RELN: variants seen among roughly 807,000 people sequenced by gnomAD.
The protein encoded by RELN is reelin.
Under a neutral mutation model 427.6 loss-of-function variants are expected in RELN, and 108 were observed. The observed-to-expected ratio is 0.25, with a 90% CI of 0.22 to 0.30. RELN has a LOEUF of 0.30. Ranked by LOEUF, RELN falls within the 10% of genes least tolerant of loss-of-function variation. The pLI is 1.00. For synonymous variants in RELN, 1,524 were observed against 1,513.4 expected (o/e 1.01, Z -0.16); for missense variants, 3,715 against 4,302.8 (o/e 0.86, Z 3.82).
At position 103,557,958 on chromosome 7, in the gene RELN, T is replaced by G. The variant is rs781311910; in HGVS notation, c.5614+7A>C. The G allele has an allele frequency of 8.5e-7, 1 of 1,182,302 alleles. No homozygotes were observed. Among genetic ancestry groups the G allele is most frequent in the East Asian group, 2.3e-5 (1 of 42,788 alleles). The allele number at this position is 1,182,302 out of a possible 1,614,324, so 73.2% of individuals were successfully genotyped here. ...CTCTTGAAGGAAAATAATAAATTCA[T>G]ACTTACTTTTTGCTATAAATCTAAG... On this transcript the variant is annotated splice_region_variant and intron_variant, in intron 37 of 64. Transcript: ENST00000428762.
intron 2 of RELN, among the ~76,000 whole-genome samples, chr7:103,859,568 T>C (rs982090585): frequency 1.3e-5 from 2 of 152,186 alleles, no homozygotes; most frequent in African/African-American, 4.8e-5. Context: ...GCTGGGATTA[T>C]AGGCGTGAGC....
At chr7:103,604,059 T>A (rs1250312263) in intron 23 of RELN, among the ~76,000 whole-genome samples, 1 of 152,154 alleles carries the variant, frequency 6.6e-6, no homozygotes, top group Non-Finnish European at 1.5e-5. Context: ...TCTCAGTGGA[T>A]GAAAAGGGAA....
intron 46 of RELN, among the ~76,000 whole-genome samples, chr7:103,534,662 AT>A (rs1159496294): frequency 1.3e-5 from 2 of 151,218 alleles, no homozygotes; most frequent in African/African-American, 2.4e-5. Flanking sequence ...TAATTTTTTA[AT>A]TTTTTTTGTA....
At chr7:103,714,495 T>G (rs1487603609) in intron 8 of RELN, among the ~76,000 whole-genome samples, 1 of 152,062 alleles carries the variant, frequency 6.6e-6, no homozygotes, top group African/African-American at 2.4e-5. Context: ...TGCGGTTGAG[T>G]CAACGGTCTG....
intron 1 of RELN, among the ~76,000 whole-genome samples, chr7:103,955,569 T>C (rs941988804): frequency 9.2e-5 from 14 of 152,202 alleles, no homozygotes; most frequent in Non-Finnish European, 1.3e-4. Context: ...CTAGTATCCC[T>C]CTGATTATTG....
intron 2 of RELN, among the ~76,000 whole-genome samples, chr7:103,872,347 AATG>A (rs1435139751): frequency 7.2e-6 from 1 of 139,246 alleles, no homozygotes; most frequent in Non-Finnish European, 1.6e-5. Flanking sequence ...GTTTACTGAG[AATG>A]ATGATTTCCA....
chr7:103,597,241 G>C (rs1160523732), intron 24 of RELN, among the ~76,000 whole-genome samples: 1 of 152,152 alleles, frequency 6.6e-6, no homozygotes, highest in Non-Finnish European at 1.5e-5. Flanking sequence ...CAGAGATATG[G>C]CCCTGACCCT....
chr7:103,911,077 T>C (rs1795353901), intron 2 of RELN, among the ~76,000 whole-genome samples: 1 of 143,498 alleles, frequency 7.0e-6, no homozygotes, highest in South Asian at 2.3e-4. Context: ...ACCTACAACA[T>C]GGGAGAAAAT....
At chr7:103,652,255 T>C (rs1394456512) in intron 14 of RELN, among the ~76,000 whole-genome samples, 2 of 151,624 alleles carry the variant, frequency 1.3e-5, no homozygotes, top group Non-Finnish European at 2.9e-5. Flanking sequence ...CAGTTGCTTT[T>C]TTTTTTTTTT....
At chr7:103,967,762 C>T (rs1161401243) in intron 1 of RELN, among the ~76,000 whole-genome samples, 1 of 152,202 alleles carries the variant, frequency 6.6e-6, no homozygotes, top group African/African-American at 2.4e-5. Context: ...TCTATAGGTA[C>T]ACCTTTGCTT....
At chr7:103,636,145 G>GA (rs1450737716) in intron 18 of RELN, 90 bp downstream of exon 18, 12 of 923,484 alleles carry the variant, frequency 1.3e-5, no homozygotes, top group Middle Eastern at 2.1e-4. Context: ...ATGTCTATCA[G>GA]AAAAAATATA....
rs1312180380 is a variant in RELN at position 103,563,859 on chromosome 7, T to A, written c.5210+1419A>T. ...TTATGTTACAATTGCTTACAGTATT[T>A]AGTATAGCAATATGCTGTACAGCTT... is the stretch of plus-strand genomic sequence containing the variant. On this transcript the variant is annotated intron_variant, in intron 34 of 64. Transcript: ENST00000428762. This position sits in a 1 kb window ranked among gnomAD's most constrained non-coding sequence, Gnocchi z 4.1. Among the ~76,000 whole-genome samples, 1 of 152,250 alleles carries A rather than the reference T, an allele frequency of 6.6e-6. No individual in the cohort carries two copies. The highest frequency in any genetic ancestry group is 1.5e-5 in the Non-Finnish European group (1 of 68,044).
rs368970582 is a variant in RELN, at chr7:103,752,410, T to C, written c.577+772A>G. Among the ~76,000 whole-genome samples the C allele has an allele frequency of 5.3e-5, 8 of 152,242 alleles. No individual in the cohort carries two copies. The East Asian group carries it at 1.4e-3, about 26-fold the overall frequency. On this transcript the variant is annotated intron_variant, in intron 5 of 64. Coordinates refer to ENST00000428762, the MANE Select transcript of RELN (RefSeq NM_005045.4). The stretch of plus-strand genomic sequence containing the variant: ...GCAGGTATTTATTTAAACAGTCTCA[T>C]TTCAATTTTTTTTTAAAGAAACAGG...
chr7:103,776,946 C>T (rs74734935), intron 3 of RELN, among the ~76,000 whole-genome samples: 1 of 152,062 alleles, frequency 6.6e-6, no homozygotes, highest in African/African-American at 2.4e-5. Flanking sequence ...TCTTCAGGAG[C>T]CTTTGATATA....
intron 57 of RELN, among the ~76,000 whole-genome samples, chr7:103,494,664 G>A (rs1243522352): frequency 1.3e-5 from 2 of 151,078 alleles, no homozygotes; most frequent in African/African-American, 4.9e-5. Flanking sequence ...GATTACAGGT[G>A]TTTGCAATAG....
chr7:103,617,039 G>A (rs1562924625), intron 20 of RELN, among the ~76,000 whole-genome samples: 1 of 152,122 alleles, frequency 6.6e-6, no homozygotes, highest in Non-Finnish European at 1.5e-5. Flanking sequence ...TGACTGAGGT[G>A]CCACTGCTTA....
chr7:103,983,684 A>G (rs1339806965), intron 1 of RELN, among the ~76,000 whole-genome samples: 1 of 152,216 alleles, frequency 6.6e-6, no homozygotes, highest in Non-Finnish European at 1.5e-5. Flanking sequence ...AAATACTTAG[A>G]TAAGTCAATT....
Position 103,839,428 on chromosome 7 carries a change from T to C in RELN, c.338-5756A>G, listed in dbSNP as rs183512978. Among the ~76,000 whole-genome samples the C allele has an allele frequency of 1.1e-3, 165 of 151,868 alleles. 3 individuals carry two copies. The highest frequency in any genetic ancestry group is 7.6e-3 in the Admixed American group (116 of 15,230). On this transcript the variant is annotated intron_variant, in intron 2 of 64. Transcript: ENST00000428762. ...TGCAACTATTAGAAATCCATTGATC[T>C]AAAATCAACCAGCAAGAAGAAAATT...
chr7:103,617,215 G>A (rs576377645), intron 20 of RELN, among the ~76,000 whole-genome samples: 6 of 152,142 alleles, frequency 3.9e-5, no homozygotes, highest in Non-Finnish European at 5.9e-5. Flanking sequence ...TTTTTAAAGT[G>A]GGTTTATTTT....
Sources: allele counts gnomAD v4.1 joint callset (sites outside exome capture counted in the v4.1 genomes callset), GRCh38; gene constraint gnomAD v4.1.1; non-coding constraint Gnocchi (gnomAD v3.1); transcripts MANE v1.5; gene names NCBI Gene and HGNC (gene_info 2026-07-23, HGNC 2026-07-21).